The following S100A7A variants were observed in gnomAD, a reference collection of about 807,000 sequenced individuals.
The protein encoded by S100A7A is S100 calcium binding protein A7A, also known as protein S100-A7A.
S100A7A carries 5 observed loss-of-function variants against 4.0 expected under a neutral mutation model. The observed-to-expected ratio is 1.26, with a 90% CI of 0.66 to 2.66. S100A7A has a LOEUF of 2.66. Among genes scored for constraint, S100A7A ranks in the 30% most tolerant of loss-of-function variants. S100A7A has a pLI of 0.01. For missense variants in S100A7A, 159 were observed against 125.1 expected (o/e 1.27, Z -1.29); for synonymous variants, 52 against 46.4 (o/e 1.12, Z -0.49).
At chr1:153,417,138 T>G (rs1355476466) in intron 1 of S100A7A, 1 of 152,360 alleles carries the variant, frequency 6.6e-6, no homozygotes, top group Non-Finnish European at 1.5e-5. Flanking sequence ...GGGTTTATTG[T>G]CAGATGCCCA....
At position 153,422,431 on chromosome 1, in the gene S100A7A, T is replaced by A; in HGVS notation, c.*3122T>A. On this transcript the variant is annotated 3_prime_UTR_variant, in exon 3 of 3. Transcript: ENST00000368729. ...TCTAACACATACTAGAGCAAGAATT[T>A]ACTTGATTTGGAATAATTAATAGCT... 1.2e-6 allele frequency: 1 copy of A among 824,000 alleles called. No homozygotes were observed. Among genetic ancestry groups the A allele is most frequent in the South Asian group, 5.6e-5 (1 of 17,938 alleles). 51.0% of individuals were successfully genotyped at this position (824,000 alleles called of 1,614,324 possible).
At chr1:153,417,908 T>C in intron 1 of S100A7A, 158 bp from the exon 2 acceptor site, 2 of 933,754 alleles carry the variant, frequency 2.1e-6, no homozygotes, top group Non-Finnish European at 3.1e-6. Context: ...TACCCTCTCA[T>C]TTTTGAACAA....
At chr1:153,418,303 G>C in intron 2 of S100A7A, 80 bp downstream of exon 2, 1 of 1,569,466 alleles carries the variant, frequency 6.4e-7, no homozygotes, top group South Asian at 1.2e-5. Context: ...GCCTTGGACA[G>C]GTCACCCTCA....
chr1:153,416,611 A>G lies in S100A7A; in HGVS notation c.-18+48A>G, dbSNP rs113771909. The G allele has an allele frequency of 8.5e-3, 3,779 of 445,070 alleles. 119 individuals carry two copies. The highest frequency in any genetic ancestry group is 0.069 in the African/African-American group (3,399 of 49,170). 27.6% of individuals were successfully genotyped at this position (445,070 alleles called of 1,614,324 possible). On this transcript the variant is annotated intron_variant, in intron 1 of 2. Transcript: ENST00000368729. ...CATTTTCTAGAAGTGCCCAGTGCCC[A>G]GCCTGCCATGCTGCCTGTAGGAAGG...
At chr1:153,417,942 A>AT (rs1557857177) in intron 1 of S100A7A, 124 bp from the exon 2 acceptor site, 2 of 1,272,448 alleles carry the variant, frequency 1.6e-6, no homozygotes, top group East Asian at 2.4e-5. Flanking sequence ...ATTTAAAAAA[A>AT]TCAAGTTCCT....
Position 153,419,327 on chromosome 1 carries a change from G to T in S100A7A, c.*18G>T. On this transcript the variant is annotated 3_prime_UTR_variant, in exon 3 of 3. Transcript: ENST00000368729. The stretch of plus-strand genomic sequence containing the variant: ...GCCAGTGATCCAGCCCCACCAAGGG[G>T]CCTCCAGAGACCCCAGGAACAATAA... The T allele has an allele frequency of 1.2e-6, 2 of 1,609,848 alleles. No homozygotes were observed. Among genetic ancestry groups the T allele is most frequent in the South Asian group, 2.2e-5 (2 of 90,394 alleles).
chr1:153,422,438 T>G lies in S100A7A; in HGVS notation c.*3129T>G. On this transcript the variant is annotated 3_prime_UTR_variant, in exon 3 of 3. Transcript: ENST00000368729. ...CATACTAGAGCAAGAATTTACTTGA[T>G]TTGGAATAATTAATAGCTACTGGAC... 1.2e-5 allele frequency: 10 copies of G among 864,024 alleles called. No homozygotes were observed. Among genetic ancestry groups the G allele is most frequent in the Non-Finnish European group, 1.4e-5 (10 of 719,418 alleles). 53.5% of individuals were successfully genotyped at this position (864,024 alleles called of 1,614,324 possible).
At position 153,418,011 on chromosome 1, in the gene S100A7A, C is replaced by A. The variant is rs1466241084; in HGVS notation, c.-17-55C>A. 6.3e-6 allele frequency: 10 copies of A among 1,597,834 alleles called. No individual in the cohort carries two copies. In the East Asian group the frequency reaches 8.9e-5, roughly 14 times the overall value. ...CTCAGCCCTCCTTCTAACACCCCCA[C>A]ATAGAGACCTTAATTCAAACTAAGG... is the stretch of plus-strand genomic sequence containing the variant. On this transcript the variant is annotated intron_variant, in intron 1 of 2. Coordinates refer to ENST00000368729, the MANE Select transcript of S100A7A (RefSeq NM_176823.4).
In S100A7A at chr1:153,419,383, T is replaced by C. The variant is rs569585139; in HGVS notation, c.*74T>C. On this transcript the variant is annotated 3_prime_UTR_variant, in exon 3 of 3. Transcript: ENST00000368729. ...TCCTCCCACCAGACACTTGCCTTATTTCTTCTTCTCTTTGGTGACCTACAT... is the reference window on the plus strand; with the variant it reads ...TCCTCCCACCAGACACTTGCCTTATCTCTTCTTCTCTTTGGTGACCTACAT... 4.1e-5 allele frequency: 61 copies of C among 1,487,690 alleles called. No individual in the cohort carries two copies. Among genetic ancestry groups the C allele is most frequent in the Admixed American group, 1.3e-4 (6 of 45,588 alleles). 92.2% of individuals were successfully genotyped at this position (1,487,690 alleles called of 1,614,324 possible).
At chr1:153,419,084 TC>T (rs1662820751) in intron 2 of S100A7A, 60 bp from the exon 3 acceptor site, 9 of 1,576,824 alleles carry the variant, frequency 5.7e-6, no homozygotes, top group Non-Finnish European at 6.9e-6. Flanking sequence ...TCCTCTCCCC[TC>T]CCAGCCCAAA....
rs1481138982 is a variant in S100A7A at position 153,420,458 on chromosome 1, C to T, written c.*1149C>T. 3 of 152,336 alleles carry T rather than the reference C, an allele frequency of 2.0e-5. No individual in the cohort carries two copies. The highest frequency in any genetic ancestry group is 2.9e-5 in the Non-Finnish European group (2 of 68,150). The allele number at this position is 152,336 out of a possible 1,614,324, so 9.4% of individuals were successfully genotyped here. A position where few individuals can be genotyped will look rare whatever the true frequency, so the allele number is the denominator to read the frequency against. Reference sequence around the variant, plus strand: ...GTCAGTCTCCAGCTAACCTCTCAATCAGGCAAACATTCTTCTTGGAGGAAT... The same window carrying T: ...GTCAGTCTCCAGCTAACCTCTCAATTAGGCAAACATTCTTCTTGGAGGAAT... On this transcript the variant is annotated 3_prime_UTR_variant, in exon 3 of 3. Transcript: ENST00000368729.
intron 2 of S100A7A, among the ~76,000 whole-genome samples, chr1:153,418,724 G>A (rs1230702333): frequency 1.3e-5 from 2 of 152,216 alleles, no homozygotes; most frequent in African/African-American, 2.4e-5. Context: ...CCCAGAAGAT[G>A]AGTTTGGTGG....
rs111506830 is a variant in S100A7A at position 153,417,728 on chromosome 1, C to A, written c.-17-338C>A. ...GTGCTGTTTCAAGAGTGGGGTCCGC[C>A]ATGTGCTGGTTGAGGCTGGGGGGTC... is the stretch of plus-strand genomic sequence containing the variant. On this transcript the variant is annotated intron_variant, in intron 1 of 2. Transcript: ENST00000368729. 8.4e-3 allele frequency among the ~76,000 whole-genome samples: 1,278 copies of A among 152,226 alleles called. 16 individuals are homozygous for A. Among genetic ancestry groups the A allele is most frequent in the African/African-American group, 0.03 (1,229 of 41,500 alleles).
In S100A7A at chr1:153,417,846, C is replaced by T. The variant is rs1662767192; in HGVS notation, c.-17-220C>T. The T allele has an allele frequency of 5.8e-6, 3 of 514,108 alleles. No individual in the cohort carries two copies. In the South Asian group the frequency reaches 7.8e-5, roughly 13 times the overall value. 31.8% of individuals were successfully genotyped at this position (514,108 alleles called of 1,614,324 possible). A position where few individuals can be genotyped will look rare whatever the true frequency, so the allele number is the denominator to read the frequency against. On this transcript the variant is annotated intron_variant, in intron 1 of 2. Coordinates refer to ENST00000368729, the MANE Select transcript of S100A7A (RefSeq NM_176823.4). ...CCACAGCTGGACTTCTGCCATCCAC[C>T]TGCATCTCTTCTTGGCCCTGGCCAG...
chr1:153,421,221 C>T lies in S100A7A; in HGVS notation c.*1912C>T, dbSNP rs1662890853. 6.6e-6 allele frequency: 1 copy of T among 152,198 alleles called. No individual in the cohort carries two copies. The highest frequency in any genetic ancestry group is 1.5e-5 in the Non-Finnish European group (1 of 68,038). 9.4% of individuals were successfully genotyped at this position (152,198 alleles called of 1,614,324 possible). On this transcript the variant is annotated 3_prime_UTR_variant, in exon 3 of 3. Coordinates refer to ENST00000368729, the MANE Select transcript of S100A7A (RefSeq NM_176823.4). ...GTCTCATTAACATTACATTTCAAGGCTGAGCTTTAATGTCAGTGTCTCTTA... is the reference window on the plus strand; with the variant it reads ...GTCTCATTAACATTACATTTCAAGGTTGAGCTTTAATGTCAGTGTCTCTTA...
chr1:153,419,292 T>A lies in S100A7A; in HGVS notation c.289T>A (p.Ser97Thr), dbSNP rs1408353046. 16 of 1,614,152 alleles carry A rather than the reference T, an allele frequency of 9.9e-6. No individual in the cohort carries two copies. Among genetic ancestry groups the A allele is most frequent in the Non-Finnish European group, 1.4e-5 (16 of 1,180,026 alleles). The change falls in exon 3 of 3, where the codon TCT (serine) becomes ACT (threonine). Residue 97 changes from serine to threonine, a missense_variant. Transcript: ENST00000368729. ...GCAGAGCCATGGAGCGGCGCCCTGT[T>A]CTGGGGGAAGCCAGTGATCCAGCCC... Reference protein sequence around the residue: ...HKQSHGAAPCSGGSQ With the variant: ...HKQSHGAAPCTGGSQ
rs267598049 is a variant in S100A7A, at chr1:153,419,295, G to C, written c.292G>C (p.Gly98Arg). ...GAGCCATGGAGCGGCGCCCTGTTCT[G>C]GGGGAAGCCAGTGATCCAGCCCCAC... ...KQSHGAAPCS[G>R]GSQ Residue 98 changes from glycine (G) to arginine (R), a missense_variant, in exon 3 of 3, where the codon GGG (glycine) becomes CGG (arginine). By Grantham distance (125) the Gly-to-Arg change is moderately radical (BLOSUM62 -2). Coordinates refer to ENST00000368729, the MANE Select transcript of S100A7A (RefSeq NM_176823.4). 6.2e-7 allele frequency: 1 copy of C among 1,614,034 alleles called. No individual in the cohort carries two copies.
chr1:153,417,830 G>A, intron 1 of S100A7A: 1 of 477,102 alleles, frequency 2.1e-6, no homozygotes, highest in East Asian at 3.7e-5. Context: ...TCCACAGCTG[G>A]ACTTCTGCCA....
At position 153,419,533 on chromosome 1, in the gene S100A7A, G is replaced by A. The variant is rs1456682483; in HGVS notation, c.*224G>A. The stretch of plus-strand genomic sequence containing the variant: ...CTATGGCCTCCAGCAGAGCTGATCT[G>A]CCTCTCACACAGGTCCTGGTGTCTG... On this transcript the variant is annotated 3_prime_UTR_variant, in exon 3 of 3. Coordinates refer to ENST00000368729, the MANE Select transcript of S100A7A (RefSeq NM_176823.4). 5 of 582,150 alleles carry A rather than the reference G, an allele frequency of 8.6e-6. No individual in the cohort carries two copies. The highest frequency in any genetic ancestry group is 2.9e-5 in the East Asian group (1 of 34,672). 36.1% of individuals were successfully genotyped at this position (582,150 alleles called of 1,614,324 possible). A position where few individuals can be genotyped will look rare whatever the true frequency, so the allele number is the denominator to read the frequency against.
Sources: allele counts gnomAD v4.1 joint callset (sites outside exome capture counted in the v4.1 genomes callset), GRCh38; gene constraint gnomAD v4.1.1; transcripts MANE v1.5; gene names NCBI Gene and HGNC (gene_info 2026-07-23, HGNC 2026-07-21).